COL4A3: variants seen among roughly 807,000 people sequenced by gnomAD.
COL4A3 encodes the protein collagen type IV alpha 3 chain, also known as collagen alpha-3(IV) chain.
COL4A3 carries 135 observed loss-of-function variants against 217.4 expected under a neutral mutation model. That is an observed-to-expected ratio of 0.62 (90% CI 0.54 to 0.72). COL4A3 has a LOEUF of 0.72. COL4A3 is among the 30% of genes least tolerant of loss of function. The probability of loss-of-function intolerance (pLI) is 0.00; values close to 1 mark genes in which losing one functional copy is unlikely to be tolerated. For synonymous variants in COL4A3, 690 were observed against 736.3 expected (o/e 0.94, Z 1.02); for missense variants, 1,868 against 2,119.9 (o/e 0.88, Z 2.33).
In COL4A3 at chr2:227,251,374, A is replaced by G. The variant is rs961739725; in HGVS notation, c.645+3A>G. 6.2e-7 allele frequency: 1 copy of G among 1,612,398 alleles called. No homozygotes were observed. The highest frequency in any genetic ancestry group is 1.3e-5 in the African/African-American group (1 of 74,886). The stretch of plus-strand genomic sequence containing the variant: ...CCATGGGACCTAGAGGACCTAAGGT[A>G]GACTACAGTTCATATGATGTAACAG... On this transcript the variant is annotated splice_donor_region_variant and intron_variant, in intron 11 of 51. Coordinates refer to ENST00000396578, the MANE Select transcript of COL4A3 (RefSeq NM_000091.5).
Position 227,297,706 on chromosome 2 carries a change from C to T in COL4A3, c.3598C>T (p.Pro1200Ser). The T allele has an allele frequency of 6.2e-7, 1 of 1,608,890 alleles. No individual in the cohort carries two copies. Among genetic ancestry groups the T allele is most frequent in the African/African-American group, 1.3e-5 (1 of 74,978 alleles). The change falls in exon 42 of 52, where the codon CCT becomes TCT. Residue 1200 changes from proline to serine, a missense_variant. By Grantham distance (74) the Pro-to-Ser change is moderately conservative. This residue lies in a region of COL4A3 where 1,503 missense variants were observed against 1,786.1 expected (regional missense o/e 0.84). Coordinates refer to ENST00000396578, the MANE Select transcript of COL4A3 (RefSeq NM_000091.5). The stretch of plus-strand genomic sequence containing the variant: ...AGGAGACAGGGGAGCCCCAGGTTTT[C>T]CTGGCCTCCCGGGCAGAAAAGGGGC... The part of the protein sequence containing the change: ...AKGDRGAPGF[P>S]GLPGRKGAMG...
rs2065927443 is a variant in COL4A3, at chr2:227,183,671, AGAGT to A, written c.87+18861_87+18864del. The stretch of plus-strand genomic sequence containing the variant: ...ATGGAAGCCATGGACACCAGAAAAC[AGAGT>A]GACATGGATATCTGCTACTTTCCCC... On this transcript the variant is annotated intron_variant, in intron 1 of 51. Transcript: ENST00000396578. 3.3e-5 allele frequency among the ~76,000 whole-genome samples: 5 copies of A among 152,332 alleles called. No homozygotes were observed. In the South Asian group the frequency reaches 1.0e-3, roughly 32 times the overall value.
chr2:227,241,574 T>A (rs1459832551), intron 3 of COL4A3, among the ~76,000 whole-genome samples: 1 of 152,086 alleles, frequency 6.6e-6, no homozygotes, highest in African/African-American at 2.4e-5. Context: ...CTCAGGAGGC[T>A]GAGGTAGGAG....
Position 227,279,876 on chromosome 2 carries a change from C to T in COL4A3, c.2209C>T (p.Leu737Phe), listed in dbSNP as rs985672803. 18 of 1,605,834 alleles carry T rather than the reference C, an allele frequency of 1.1e-5. No individual in the cohort carries two copies. Among genetic ancestry groups the T allele is most frequent in the Non-Finnish European group, 1.4e-5 (17 of 1,175,974 alleles). The change falls in exon 29 of 52, where the codon CTC becomes TTC. Residue 737 changes from leucine (L) to phenylalanine (F), a missense_variant. Leu to Phe is a conservative substitution (Grantham distance 22). Coordinates refer to ENST00000396578, the MANE Select transcript of COL4A3 (RefSeq NM_000091.5). ...GCCTGGGTTACCTGGAAAGCCAGGCCTCCCAGGAGCCAAGGTATGCAAAAA... is the reference window on the plus strand; with the variant it reads ...GCCTGGGTTACCTGGAAAGCCAGGCTTCCCAGGAGCCAAGGTATGCAAAAA... ...GEPGLPGKPG[L>F]PGAKGEPAVA...
chr2:227,168,431 C>T (rs535251427), intron 1 of COL4A3, among the ~76,000 whole-genome samples: 2 of 152,228 alleles, frequency 1.3e-5, no homozygotes, highest in South Asian at 4.1e-4. Flanking sequence ...TTTATATTTC[C>T]TTCAGTGTGA....
chr2:227,306,143 TTTTAATGACCAAGGC>T (rs1169185251), intron 47 of COL4A3, among the ~76,000 whole-genome samples: 2 of 152,318 alleles, frequency 1.3e-5, no homozygotes, highest in East Asian at 3.9e-4. Flanking sequence ...AATTTAAAAA[TTTTAATGACCAAGGC>T]TTTAATGCCC....
At chr2:227,285,277 T>TAAAAAAAAAAAAAAAAA (rs764697409) in intron 34 of COL4A3, among the ~76,000 whole-genome samples, 5 of 72,374 alleles carry the variant, frequency 6.9e-5, no homozygotes, top group Admixed American at 2.1e-4. Flanking sequence ...CTGCCAAACC[T>TAAAAAAAAAAAAAAAAA]AAAAAAAAAA....
At chr2:227,230,447 C>A (rs921301004) in intron 1 of COL4A3, among the ~76,000 whole-genome samples, 2 of 151,996 alleles carry the variant, frequency 1.3e-5, no homozygotes, top group Non-Finnish European at 2.9e-5. Context: ...TAATTTATTG[C>A]TGGAAGGAGA....
intron 1 of COL4A3, among the ~76,000 whole-genome samples, chr2:227,187,559 T>C (rs1313212190): frequency 6.6e-6 from 1 of 152,178 alleles, no homozygotes; most frequent in Non-Finnish European, 1.5e-5. Flanking sequence ...ACACCCTTAA[T>C]AATTGGATAA....
intron 47 of COL4A3, 106 bp downstream of exon 47, chr2:227,305,189 G>A: frequency 1.1e-6 from 1 of 941,682 alleles, no homozygotes. Flanking sequence ...TTGAGTTTAT[G>A]TTGTTCAGAT....
intron 20 of COL4A3, among the ~76,000 whole-genome samples, chr2:227,263,094 A>AT (rs1191053265): frequency 4.0e-5 from 6 of 148,366 alleles, no homozygotes; most frequent in African/African-American, 1.1e-4. Flanking sequence ...GTAAAATATG[A>AT]TTAAAAAAAT....
chr2:227,240,290 C>T (rs2068947650), intron 3 of COL4A3, 58 bp downstream of exon 3: 5 of 1,474,912 alleles, frequency 3.4e-6, no homozygotes, highest in Non-Finnish European at 4.7e-6. Flanking sequence ...TTCCTGCCTA[C>T]CCCCTGGCTG....
intron 1 of COL4A3, among the ~76,000 whole-genome samples, chr2:227,233,450 C>A (rs2068517567): frequency 6.6e-6 from 1 of 152,162 alleles, no homozygotes; most frequent in South Asian, 2.1e-4. Context: ...ACAACCTGGA[C>A]CCTGTCTCAC....
chr2:227,200,952 A>G (rs530436433), intron 1 of COL4A3, among the ~76,000 whole-genome samples: 260 of 152,314 alleles, frequency 1.7e-3, no homozygotes, highest in African/African-American at 6.0e-3. Flanking sequence ...TATTATGAAA[A>G]TGTTTAAACA....
chr2:227,203,145 A>G (rs1404868449), intron 1 of COL4A3, among the ~76,000 whole-genome samples: 2 of 41,248 alleles, frequency 4.8e-5, no homozygotes, highest in African/African-American at 1.2e-4. Flanking sequence ...ATGTGTATAT[A>G]TGTGTATATA....
chr2:227,309,411 G>T, intron 50 of COL4A3, 93 bp downstream of exon 50: 2 of 932,788 alleles, frequency 2.1e-6, no homozygotes, highest in South Asian at 1.4e-5. Context: ...GGTCGATGCT[G>T]CCTGCTGTCC....
intron 1 of COL4A3, among the ~76,000 whole-genome samples, chr2:227,229,587 C>T (rs1350108226): frequency 2.0e-5 from 3 of 152,094 alleles, no homozygotes; most frequent in Non-Finnish European, 4.4e-5. Context: ...TTGTGGATGT[C>T]CTTTGGCTTG....
chr2:227,248,379 A>C (rs1343157201), intron 8 of COL4A3, 64 bp from the exon 9 acceptor site: 3 of 940,114 alleles, frequency 3.2e-6, no homozygotes, highest in East Asian at 4.8e-5. Flanking sequence ...ACTTTGAATA[A>C]GCACTTGAAG....
chr2:227,287,268 C>T (rs777643873), intron 34 of COL4A3, among the ~76,000 whole-genome samples: 7 of 151,630 alleles, frequency 4.6e-5, no homozygotes, highest in Non-Finnish European at 1.0e-4. Context: ...CCCAACTCTA[C>T]TAAAAATACA....
Sources: allele counts gnomAD v4.1 joint callset (sites outside exome capture counted in the v4.1 genomes callset), GRCh38; gene constraint gnomAD v4.1.1; regional missense constraint gnomAD v4.1.1; transcripts MANE v1.5; gene names NCBI Gene and HGNC (gene_info 2026-07-23, HGNC 2026-07-21).